The following CADM2 variants were observed in gnomAD, a reference collection of about 807,000 sequenced individuals.
The protein encoded by CADM2 is cell adhesion molecule 2, also known as immunoglobulin superfamily member 4D.
In CADM2, 12 loss-of-function variants were observed where a neutral mutation model predicts 49.8. That is an observed-to-expected ratio of 0.24 (90% CI 0.15 to 0.39). CADM2 has a LOEUF of 0.39. Ranked by LOEUF, CADM2 falls within the 10% of genes least tolerant of loss-of-function variation. CADM2 has a pLI of 1.00. For missense variants in CADM2, 378 were observed against 492.3 expected (o/e 0.77, Z 2.20); for synonymous variants, 214 against 175.4 (o/e 1.22, Z -1.74).
intron 1 of CADM2, among the ~76,000 whole-genome samples, chr3:85,256,461 C>G (rs1331184038): frequency 1.3e-5 from 2 of 152,016 alleles, no homozygotes; most frequent in Non-Finnish European, 2.9e-5. Flanking sequence ...TGCTCCTATT[C>G]AAAAAGAGCT....
chr3:85,297,181 T>G (rs1470933577), intron 1 of CADM2, among the ~76,000 whole-genome samples: 2 of 149,346 alleles, frequency 1.3e-5, no homozygotes, highest in Admixed American at 1.3e-4. Context: ...TAGCTAAGCG[T>G]CAGATAAGTT....
At chr3:85,061,672 G>A (rs2036322185) in intron 1 of CADM2, among the ~76,000 whole-genome samples, 1 of 151,952 alleles carries the variant, frequency 6.6e-6, no homozygotes, top group Non-Finnish European at 1.5e-5. Flanking sequence ...CTTTTTTCAT[G>A]CAATCTAAGT....
intron 3 of CADM2, among the ~76,000 whole-genome samples, chr3:85,877,486 T>C (rs1461983953): frequency 2.0e-5 from 3 of 152,060 alleles, no homozygotes; most frequent in Non-Finnish European, 2.9e-5. Flanking sequence ...TTAAATGATA[T>C]GAATGGTCTC....
chr3:85,981,176 C>A (rs886543346), intron 8 of CADM2, among the ~76,000 whole-genome samples: 3 of 151,118 alleles, frequency 2.0e-5, no homozygotes, highest in Non-Finnish European at 4.4e-5. Flanking sequence ...ATATATAATT[C>A]TGTTTCAAAG....
chr3:85,912,654 C>T lies in CADM2; in HGVS notation c.700+111C>T, dbSNP rs182526463. The T allele has an allele frequency of 4.4e-4, 467 of 1,063,530 alleles. 2 individuals carry two copies. The highest frequency in any genetic ancestry group is 3.9e-4 in the Non-Finnish European group (287 of 733,844). The allele number at this position is 1,063,530 out of a possible 1,614,324, so 65.9% of individuals were successfully genotyped here. A position where few individuals can be genotyped will look rare whatever the true frequency, so the allele number is the denominator to read the frequency against. Reference sequence around the variant, plus strand: ...TATAGCAAAGGTGCAGTAAAATCCACGGCAAAATGAAGTAAAACTACATTC... The same window carrying T: ...TATAGCAAAGGTGCAGTAAAATCCATGGCAAAATGAAGTAAAACTACATTC... On this transcript the variant is annotated intron_variant, in intron 6 of 9. Transcript: ENST00000383699.
At position 85,031,662 on chromosome 3, in the gene CADM2, A is replaced by G. The variant is rs28428629; in HGVS notation, c.61+71994A>G. On this transcript the variant is annotated intron_variant, in intron 1 of 9. Transcript: ENST00000383699. Reference sequence around the variant, plus strand: ...CCCGAGTAGCTGGGACTACAGGCACACGCCACCACGCCCGGCTAATTTTTT... The same window carrying G: ...CCCGAGTAGCTGGGACTACAGGCACGCGCCACCACGCCCGGCTAATTTTTT... 1.6e-4 allele frequency among the ~76,000 whole-genome samples: 24 copies of G among 151,224 alleles called. 1 individual carries two copies. The highest frequency in any genetic ancestry group is 5.6e-4 in the African/African-American group (23 of 41,248).
At chr3:85,121,881 C>G (rs1033858351) in intron 1 of CADM2, among the ~76,000 whole-genome samples, 4 of 152,052 alleles carry the variant, frequency 2.6e-5, no homozygotes, top group African/African-American at 4.8e-5. Context: ...ATTTAGTTTT[C>G]TTTTTCCCTC....
In CADM2 at chr3:85,356,459, T is replaced by G. The variant is rs1002278016; in HGVS notation, c.62-370063T>G. ...GGAAAGCTAGTTCAGGGTCAGTCCA[T>G]GCAGAATCTACAGGCCTGTGAAGGA... is the stretch of plus-strand genomic sequence containing the variant. On this transcript the variant is annotated intron_variant, in intron 1 of 9. Transcript: ENST00000383699. 2.0e-5 allele frequency among the ~76,000 whole-genome samples: 3 copies of G among 152,068 alleles called. No homozygotes were observed. The East Asian group carries it at 5.8e-4, about 29-fold the overall frequency.
chr3:85,469,160 G>A (rs1208225606), intron 1 of CADM2, among the ~76,000 whole-genome samples: 1 of 152,186 alleles, frequency 6.6e-6, no homozygotes, highest in Admixed American at 6.5e-5. Context: ...GCTAAACATG[G>A]AATATGAGAG....
rs1703414495 is a variant in CADM2, at chr3:86,073,965, C to G, written c.*7182C>G. ...TCGTTATTCCTTGGAATATATGAAC[C>G]TTGTAAAGTGATGACTAAGGGTCAA... On this transcript the variant is annotated 3_prime_UTR_variant, in exon 10 of 10. Coordinates refer to ENST00000383699, the MANE Select transcript of CADM2 (RefSeq NM_001167675.2). The G allele has an allele frequency of 1.3e-5, 2 of 151,748 alleles. No homozygotes were observed. The highest frequency in any genetic ancestry group is 6.6e-5 in the Admixed American group (1 of 15,216). The allele number at this position is 151,748 out of a possible 1,614,324, so 9.4% of individuals were successfully genotyped here.
chr3:85,465,464 A>T (rs549565396), intron 1 of CADM2, among the ~76,000 whole-genome samples: 134 of 152,240 alleles, frequency 8.8e-4, no homozygotes, highest in South Asian at 8.5e-3. Flanking sequence ...AGTATACAAC[A>T]TTTTGTTCAT....
chr3:85,737,135 G>A (rs2068171828), intron 2 of CADM2, among the ~76,000 whole-genome samples: 1 of 152,116 alleles, frequency 6.6e-6, no homozygotes, highest in African/African-American at 2.4e-5. Context: ...CCTCATGTTA[G>A]CCCACAGGAA....
chr3:86,065,799 G>A, intron 9 of CADM2, 69 bp downstream of exon 9: 1 of 1,499,846 alleles, frequency 6.7e-7, no homozygotes, highest in Non-Finnish European at 9.1e-7. Context: ...TATAAAATAT[G>A]ATATCAGTGC....
At chr3:85,512,067 A>C (rs2040644319) in intron 1 of CADM2, among the ~76,000 whole-genome samples, 1 of 152,022 alleles carries the variant, frequency 6.6e-6, no homozygotes. Flanking sequence ...GATGCATTGC[A>C]TGATGCTGAA....
chr3:85,313,238 A>G (rs1353529943), intron 1 of CADM2, among the ~76,000 whole-genome samples: 1 of 152,236 alleles, frequency 6.6e-6, no homozygotes, highest in African/African-American at 2.4e-5. Flanking sequence ...CGCAATGGTT[A>G]CTACCTGTCA....
intron 1 of CADM2, among the ~76,000 whole-genome samples, chr3:85,321,116 A>ATTTTTTTTTTTTTTTTTTTTT (rs1157576505): frequency 3.6e-5 from 1 of 27,496 alleles, no homozygotes; most frequent in Non-Finnish European, 6.5e-5. Flanking sequence ...ATATATATAT[A>ATTTTTTTTTTTTTTTTTTTTT]TTTTTTTTTT....
At chr3:85,864,062 T>A in intron 3 of CADM2, among the ~76,000 whole-genome samples, 1 of 151,964 alleles carries the variant, frequency 6.6e-6, no homozygotes, top group East Asian at 1.9e-4. Flanking sequence ...AGGACGAGAG[T>A]CCAGGAACTA....
intron 1 of CADM2, among the ~76,000 whole-genome samples, chr3:85,309,581 C>A (rs972869815): frequency 6.6e-6 from 1 of 152,116 alleles, no homozygotes; most frequent in Admixed American, 6.6e-5. Context: ...ATTATTTTTT[C>A]ATTGCTATTT....
In CADM2 at chr3:85,718,882, T is replaced by TGTA. The variant is rs1231599015; in HGVS notation, c.62-7640_62-7639insGTA. ...ATTTTATAGAGGAAATTAATGGTAT[T>TGTA]TTATTATTATTATTATTATTATTAT... On this transcript the variant is annotated intron_variant, in intron 1 of 9. Coordinates refer to ENST00000383699, the MANE Select transcript of CADM2 (RefSeq NM_001167675.2). Among the ~76,000 whole-genome samples the TGTA allele has an allele frequency of 3.3e-3, 460 of 141,338 alleles. 2 individuals are homozygous for TGTA. Among genetic ancestry groups the TGTA allele is most frequent in the Middle Eastern group, 0.011 (3 of 268 alleles). 92.7% of individuals were successfully genotyped at this position (141,338 alleles called of 152,430 possible). A position where few individuals can be genotyped will look rare whatever the true frequency, so the allele number is the denominator to read the frequency against.
Sources: gnomAD v4.1 joint callset for allele counts (sites outside exome capture counted in the v4.1 genomes callset) on GRCh38, gnomAD v4.1.1 for gene constraint, MANE v1.5 for transcripts, NCBI Gene and HGNC (gene_info 2026-07-23, HGNC 2026-07-21) for gene names.